Variants in MGAM2 observed in about 807,000 individuals in gnomAD.
The protein encoded by MGAM2 is probable maltase-glucoamylase 2.
MGAM2 carries 98 observed loss-of-function variants against 96.1 expected under a neutral mutation model. That is an observed-to-expected ratio of 1.02 (90% CI 0.87 to 1.21). MGAM2 has a LOEUF of 1.21. Ranked by LOEUF, MGAM2 falls within the 50% of genes most tolerant of loss-of-function variation. The pLI is 0.00. For synonymous variants in MGAM2, 749 were observed against 414.8 expected (o/e 1.81, Z -9.79); for missense variants, 2,055 against 1,182.4 (o/e 1.74, Z -10.82).
intron 10 of MGAM2, 99 bp from the exon 11 acceptor site, chr7:142,140,703 A>G: frequency 1.7e-6 from 1 of 573,334 alleles, no homozygotes; most frequent in Non-Finnish European, 3.1e-6. Context: ...TCATTAGAAA[A>G]TATGGTTTCA....
At chr7:142,142,247 G>A (rs530530355) in intron 12 of MGAM2, among the ~76,000 whole-genome samples, 19 of 151,602 alleles carry the variant, frequency 1.3e-4, no homozygotes, top group South Asian at 6.2e-4. Flanking sequence ...TTACTGTTTC[G>A]TTAGAAGCTA....
chr7:142,191,087 A>T (rs987622266), intron 37 of MGAM2, among the ~76,000 whole-genome samples: 3 of 152,052 alleles, frequency 2.0e-5, no homozygotes, highest in Non-Finnish European at 2.9e-5. Context: ...GTGAACTATG[A>T]TGGCACTGCA....
chr7:142,174,735 AG>A (rs1256086553), intron 31 of MGAM2, among the ~76,000 whole-genome samples: 2 of 21,462 alleles, frequency 9.3e-5, no homozygotes, highest in Admixed American at 1.1e-3. Flanking sequence ...TTTTTTTTTG[AG>A]TTGGAGTCTC....
intron 45 of MGAM2, among the ~76,000 whole-genome samples, chr7:142,207,160 G>T (rs1275323528): frequency 6.6e-6 from 1 of 152,166 alleles, no homozygotes; most frequent in Non-Finnish European, 1.5e-5. Context: ...CAGAAACAGG[G>T]AGTTATAGGA....
At chr7:142,208,522 G>C in intron 45 of MGAM2, 51 bp from the exon 46 acceptor site, 1 of 697,866 alleles carries the variant, frequency 1.4e-6, no homozygotes, top group East Asian at 2.7e-5. Flanking sequence ...ATTATTTGCT[G>C]CAATTGAAGC....
At chr7:142,193,897 CT>C (rs1796946770) in intron 37 of MGAM2, among the ~76,000 whole-genome samples, 1 of 152,216 alleles carries the variant, frequency 6.6e-6, no homozygotes, top group African/African-American at 2.4e-5. Flanking sequence ...ACCCAAACCT[CT>C]CTTGAGCCTC....
At chr7:142,188,162 G>T (rs1796763053) in intron 36 of MGAM2, among the ~76,000 whole-genome samples, 1 of 144,702 alleles carries the variant, frequency 6.9e-6, no homozygotes, top group Admixed American at 6.8e-5. Flanking sequence ...GTGGAGAGAT[G>T]TTCTTTTGAT....
Position 142,199,875 on chromosome 7 carries a change from G to A in MGAM2, c.5049-5G>A. ...AAAAATAACTCTTTTTTTTTTTTTT[G>A]GTAGTCGACAAAATTTTATGGGATT... On this transcript the variant is annotated splice_polypyrimidine_tract_variant and splice_region_variant and intron_variant, in intron 44 of 47. Coordinates refer to ENST00000477922, the MANE Select transcript of MGAM2 (RefSeq NM_001293626.2). 1.3e-5 allele frequency: 5 copies of A among 389,850 alleles called. No homozygotes were observed. The highest frequency in any genetic ancestry group is 2.2e-5 in the Non-Finnish European group (5 of 232,432). 24.1% of individuals were successfully genotyped at this position (389,850 alleles called of 1,614,324 possible). A position where few individuals can be genotyped will look rare whatever the true frequency, so the allele number is the denominator to read the frequency against.
intron 37 of MGAM2, among the ~76,000 whole-genome samples, chr7:142,190,267 CTTTTTTTTTTT>C (rs58228482): frequency 4.8e-5 from 5 of 104,246 alleles, no homozygotes; most frequent in Non-Finnish European, 9.3e-5. Flanking sequence ...TACCATTTTA[CTTTTTTTTTTT>C]TTTTTTTTTT....
chr7:142,157,393 ATT>A (rs11287092), intron 17 of MGAM2, among the ~76,000 whole-genome samples: 29,174 of 142,520 alleles, frequency 0.2, 3,467 homozygotes, highest in East Asian at 0.36. Context: ...ACAGACACCA[ATT>A]TTTTTTTTTT....
intron 26 of MGAM2, 88 bp from the exon 27 acceptor site, chr7:142,169,987 A>G (rs1421816683): frequency 1.1e-5 from 7 of 611,162 alleles, no homozygotes; most frequent in Non-Finnish European, 2.0e-5. Context: ...AAACTGGTCA[A>G]AAACATGGAA....
At chr7:142,127,065 A>G (rs541313940) in intron 3 of MGAM2, among the ~76,000 whole-genome samples, 1 of 152,324 alleles carries the variant, frequency 6.6e-6, no homozygotes, top group South Asian at 2.1e-4. Flanking sequence ...TGGAATCTGG[A>G]TGAATTCTTT....
At chr7:142,146,916 C>T (rs189651747) in intron 14 of MGAM2, among the ~76,000 whole-genome samples, 321 of 152,008 alleles carry the variant, frequency 2.1e-3, no homozygotes, top group Non-Finnish European at 3.6e-3. Flanking sequence ...TTAGTAAAGA[C>T]GGGGTTTCAC....
chr7:142,122,929 A>T (rs1381125566), intron 3 of MGAM2, among the ~76,000 whole-genome samples: 1 of 152,092 alleles, frequency 6.6e-6, no homozygotes, highest in Non-Finnish European at 1.5e-5. Flanking sequence ...TCCCCGGTTC[A>T]AGCAATTCTC....
In MGAM2 at chr7:142,132,072, A is replaced by G; in HGVS notation, c.562A>G (p.Asn188Asp). The G allele has an allele frequency of 1.4e-6, 1 of 702,842 alleles. No homozygotes were observed. Among genetic ancestry groups the G allele is most frequent in the Non-Finnish European group, 2.6e-6 (1 of 384,916 alleles). The allele number at this position is 702,842 out of a possible 1,614,324, so 43.5% of individuals were successfully genotyped here. A position where few individuals can be genotyped will look rare whatever the true frequency, so the allele number is the denominator to read the frequency against. ...PFSIKIMRTS[N>D]RRVLLDTSIG... ...CAGCATCAAAATAATGAGGACAAGC[A>G]ACAGAAGAGTCTTGTGAGCTTTTCA... Residue 188 changes from asparagine (N) to aspartate (D), a missense_variant, in exon 6 of 48, where the codon AAC (asparagine) becomes GAC (aspartate). Coordinates refer to ENST00000477922, the MANE Select transcript of MGAM2 (RefSeq NM_001293626.2).
At position 142,131,573 on chromosome 7, in the gene MGAM2, C is replaced by G; in HGVS notation, c.366C>G (p.Val122=). The G allele has an allele frequency of 1.4e-6, 1 of 703,032 alleles. No homozygotes were observed. Among genetic ancestry groups the G allele is most frequent in the Non-Finnish European group, 2.6e-6 (1 of 384,966 alleles). 43.5% of individuals were successfully genotyped at this position (703,032 alleles called of 1,614,324 possible). The change falls in exon 5 of 48, where the codon GTC becomes GTG. Residue 122 remains valine, a synonymous_variant. Transcript: ENST00000477922. ...CACCATCTCTGTTTGGAAATGATGT[C>G]GCCACCACCCTTTTCACAGCTGAAT... ...LPSPSLFGND[V]ATTLFTAEYQ...
intron 32 of MGAM2, among the ~76,000 whole-genome samples, chr7:142,179,618 G>A (rs1796479099): frequency 6.6e-6 from 1 of 152,140 alleles, no homozygotes; most frequent in Non-Finnish European, 1.5e-5. Context: ...ATTATCATAT[G>A]GCTTTTGTTT....
chr7:142,191,112 A>G (rs1796855060), intron 37 of MGAM2, among the ~76,000 whole-genome samples: 1 of 145,794 alleles, frequency 6.9e-6, no homozygotes, highest in African/African-American at 2.6e-5. Context: ...AGCCTGGGCA[A>G]CAAAGTAAGA....
chr7:142,196,558 T>C lies in MGAM2; in HGVS notation c.4481-7T>C, dbSNP rs766508554. On this transcript the variant is annotated splice_polypyrimidine_tract_variant and splice_region_variant and intron_variant, in intron 38 of 47. Transcript: ENST00000477922. Reference sequence around the variant, plus strand: ...TCCTCCAACACAGCTGTGTCTTCTCTTTGCAGGCATGATGGAGTTCAGTCT... The same window carrying C: ...TCCTCCAACACAGCTGTGTCTTCTCCTTGCAGGCATGATGGAGTTCAGTCT... The C allele has an allele frequency of 1.1e-5, 8 of 717,878 alleles. No individual in the cohort carries two copies. The South Asian group carries it at 1.2e-4, about 11-fold the overall frequency. 44.5% of individuals were successfully genotyped at this position (717,878 alleles called of 1,614,324 possible).
Sources: allele counts gnomAD v4.1 joint callset (sites outside exome capture counted in the v4.1 genomes callset), GRCh38; gene constraint gnomAD v4.1.1; transcripts MANE v1.5; gene names NCBI Gene and HGNC (gene_info 2026-07-23, HGNC 2026-07-21).